GRAMD2B: variants seen among roughly 807,000 people sequenced by gnomAD.
The protein encoded by GRAMD2B is GRAM domain containing 2B, also known as GRAM domain-containing protein 2B.
A neutral mutation model predicts 59.2 loss-of-function variants in GRAMD2B; 41 were observed. The observed-to-expected ratio is 0.69, with a 90% CI of 0.54 to 0.90. The LOEUF (loss-of-function observed/expected upper bound fraction) is 0.90, where lower values mean the gene tolerates loss of function less well. Among genes scored for constraint, GRAMD2B ranks in the 40% least tolerant of loss-of-function variants. GRAMD2B has a pLI of 0.00. For missense variants in GRAMD2B, 424 were observed against 500.5 expected, an observed-to-expected ratio of 0.85 and a Z score of 1.46; for synonymous variants, 161 against 182.7, an observed-to-expected ratio of 0.88 and a Z score of 0.96.
intron 6 of GRAMD2B, among the ~76,000 whole-genome samples, chr5:126,478,796 T>C (rs1484326645): frequency 6.6e-6 from 1 of 152,174 alleles, no homozygotes; most frequent in Non-Finnish European, 1.5e-5. Context: ...ACCACCTTAC[T>C]GACAGGGTGA....
At chr5:126,472,540 C>T (rs1480490203) in intron 4 of GRAMD2B, among the ~76,000 whole-genome samples, 1 of 152,090 alleles carries the variant, frequency 6.6e-6, no homozygotes, top group Non-Finnish European at 1.5e-5. Flanking sequence ...AAGATGGTTC[C>T]GTGATGCCCT....
intron 1 of GRAMD2B, among the ~76,000 whole-genome samples, chr5:126,432,356 C>A (rs1361340311): frequency 6.6e-6 from 1 of 152,110 alleles, no homozygotes; most frequent in African/African-American, 2.4e-5. Flanking sequence ...AGTTAAAAAC[C>A]AGGAAGAACC....
intron 1 of GRAMD2B, among the ~76,000 whole-genome samples, chr5:126,386,354 G>A (rs183062875): frequency 7.9e-5 from 12 of 152,296 alleles, no homozygotes; most frequent in African/African-American, 2.6e-4. Context: ...AAGGAAGCAC[G>A]TTCCAAGCTG....
chr5:126,478,489 CCAGCA>C (rs1771079900), intron 6 of GRAMD2B, among the ~76,000 whole-genome samples: 1 of 151,470 alleles, frequency 6.6e-6, no homozygotes, highest in Non-Finnish European at 1.5e-5. Flanking sequence ...ACCTGTAATC[CCAGCA>C]CTTTGGGAGG....
intron 1 of GRAMD2B, among the ~76,000 whole-genome samples, chr5:126,408,721 G>A (rs897862068): frequency 1.3e-5 from 2 of 150,606 alleles, no homozygotes; most frequent in African/African-American, 4.9e-5. Flanking sequence ...TAAGTTTTAG[G>A]GTACATGTGC....
At chr5:126,433,873 T>G (rs1425699366) in intron 1 of GRAMD2B, 1 of 152,232 alleles carries the variant, frequency 6.6e-6, no homozygotes, top group African/African-American at 2.4e-5. Context: ...ATGCAGCAAT[T>G]GCACAAAATC....
chr5:126,417,791 G>T (rs975837902), intron 1 of GRAMD2B, among the ~76,000 whole-genome samples: 1 of 152,084 alleles, frequency 6.6e-6, no homozygotes, highest in Non-Finnish European at 1.5e-5. Flanking sequence ...TCTCCTACAA[G>T]ATATGTGTCT....
chr5:126,368,455 C>T (rs904522661), upstream of GRAMD2B, among the ~76,000 whole-genome samples: 3 of 152,200 alleles, frequency 2.0e-5, no homozygotes, highest in African/African-American at 7.2e-5. Flanking sequence ...TAAAGTCCAG[C>T]TATAACTACT....
At chr5:126,419,980 A>C (rs536323116), upstream of GRAMD2B, among the ~76,000 whole-genome samples, 1 of 146,122 alleles carries the variant, frequency 6.8e-6, no homozygotes, top group African/African-American at 2.5e-5. Flanking sequence ...GCTTGAACCC[A>C]GGAGGCAGAG....
At chr5:126,368,320 C>T (rs188805682), upstream of GRAMD2B, among the ~76,000 whole-genome samples, 388 of 152,348 alleles carry the variant, frequency 2.5e-3, 1 homozygote, top group Middle Eastern at 6.8e-3. Flanking sequence ...AGTCAAAGGG[C>T]TCAGGCAGTG....
At chr5:126,478,970 C>T (rs1376171584) in intron 6 of GRAMD2B, among the ~76,000 whole-genome samples, 2 of 152,128 alleles carry the variant, frequency 1.3e-5, no homozygotes, top group Non-Finnish European at 1.5e-5. Context: ...TAACAGCTTG[C>T]CTAAACTACC....
Position 126,403,367 on chromosome 5 carries a change from G to A in GRAMD2B, c.125+31800G>A, listed in dbSNP as rs578037347. Reference sequence around the variant, plus strand: ...TCTTTCCACATTACTGTTTATGTAGGAAAATATATTTGGCATCCTAATAAT... The same window carrying A: ...TCTTTCCACATTACTGTTTATGTAGAAAAATATATTTGGCATCCTAATAAT... On this transcript the variant is annotated intron_variant, in intron 1 of 8. Transcript: ENST00000506445. Among the ~76,000 whole-genome samples, 6 of 152,100 alleles carry A rather than the reference G, an allele frequency of 3.9e-5. No homozygotes were observed. The South Asian group carries it at 1.2e-3, about 31-fold the overall frequency.
intron 3 of GRAMD2B, among the ~76,000 whole-genome samples, chr5:126,470,144 C>T (rs1389911296): frequency 6.6e-6 from 1 of 152,142 alleles, no homozygotes; most frequent in Non-Finnish European, 1.5e-5. Context: ...TCTGATAAGG[C>T]ACCTGCCTGA....
chr5:126,488,903 T>G lies in GRAMD2B; in HGVS notation c.1257+11T>G, dbSNP rs1196816864. The G allele has an allele frequency of 6.2e-7, 1 of 1,604,170 alleles. No individual in the cohort carries two copies. The highest frequency in any genetic ancestry group is 8.5e-7 in the Non-Finnish European group (1 of 1,171,260). On this transcript the variant is annotated intron_variant, in intron 13 of 13. Transcript: ENST00000285689. ...GTGAAATTAGAAAAGGTGACCTATTTCTTTCCTGTGTATGGGGGCAGTCAC... is the reference window on the plus strand; with the variant it reads ...GTGAAATTAGAAAAGGTGACCTATTGCTTTCCTGTGTATGGGGGCAGTCAC...
intron 1 of GRAMD2B, among the ~76,000 whole-genome samples, chr5:126,377,132 G>T (rs1004229068): frequency 1.4e-5 from 2 of 146,462 alleles, no homozygotes; most frequent in African/African-American, 5.1e-5. Flanking sequence ...CTATCTAGTT[G>T]CCAGGCTGTT....
chr5:126,414,532 G>C (rs1222182476), intron 1 of GRAMD2B, among the ~76,000 whole-genome samples: 1 of 152,112 alleles, frequency 6.6e-6, no homozygotes, highest in Non-Finnish European at 1.5e-5. Flanking sequence ...AGTCAGTCAT[G>C]GCTCACTCTA....
chr5:126,438,947 A>C (rs898133065), intron 1 of GRAMD2B, among the ~76,000 whole-genome samples: 1 of 152,182 alleles, frequency 6.6e-6, no homozygotes, highest in Admixed American at 6.5e-5. Context: ...GAGAATTGGA[A>C]GGATAGGAGA....
chr5:126,466,530 A>C (rs1011428660), intron 2 of GRAMD2B, among the ~76,000 whole-genome samples: 5 of 151,406 alleles, frequency 3.3e-5, no homozygotes, highest in African/African-American at 1.2e-4. Flanking sequence ...GGTTCAAGCG[A>C]TTCTCCTCCC....
intron 1 of GRAMD2B, among the ~76,000 whole-genome samples, chr5:126,405,819 G>A (rs1250121140): frequency 6.6e-6 from 1 of 151,764 alleles, no homozygotes; most frequent in Non-Finnish European, 1.5e-5. Context: ...CGATAAGCTA[G>A]GAACCAAGTA....
Sources: allele counts gnomAD v4.1 joint callset (sites outside exome capture counted in the v4.1 genomes callset), GRCh38; gene constraint gnomAD v4.1.1; transcripts MANE v1.5; gene names NCBI Gene and HGNC (gene_info 2026-07-23, HGNC 2026-07-21).